The following PVT1 variants were observed in gnomAD, a reference collection of about 807,000 sequenced individuals.
The protein encoded by PVT1 is Pvt1 oncogene.
intron 5 of PVT1, among the ~76,000 whole-genome samples, chr8:128,072,262 A>T (rs1190257254): frequency 1.3e-5 from 2 of 152,172 alleles, no homozygotes; most frequent in African/African-American, 4.8e-5. Context: ...GACATAGTGT[A>T]ATTCTTCTAA....
intron 3 of PVT1, chr8:127,932,454 C>G: frequency 2.5e-6 from 1 of 398,648 alleles, no homozygotes; most frequent in East Asian, 3.6e-5. Flanking sequence ...TTCTTTCTAT[C>G]CTGTCTGCAG....
At chr8:128,081,474 T>C (rs1033430608) in intron 5 of PVT1, among the ~76,000 whole-genome samples, 4 of 152,258 alleles carry the variant, frequency 2.6e-5, no homozygotes, top group South Asian at 2.1e-4. Flanking sequence ...CATAGCTATA[T>C]GTTTTTTGCA....
At chr8:127,909,112 G>C (rs949636321) in intron 3 of PVT1, among the ~76,000 whole-genome samples, 1 of 152,196 alleles carries the variant, frequency 6.6e-6, no homozygotes, top group Non-Finnish European at 1.5e-5. Flanking sequence ...ATATTTGAAG[G>C]CCCTCAATAT....
chr8:127,804,713 C>T (rs1434740834), intron 2 of PVT1, among the ~76,000 whole-genome samples: 1 of 149,146 alleles, frequency 6.7e-6, no homozygotes, highest in Non-Finnish European at 1.5e-5. Flanking sequence ...TTCTTTCTTT[C>T]TTTTTCTTTT....
At chr8:128,054,293 C>A (rs1813738602) in intron 4 of PVT1, among the ~76,000 whole-genome samples, 1 of 145,408 alleles carries the variant, frequency 6.9e-6, no homozygotes, top group Non-Finnish European at 1.5e-5. Flanking sequence ...TTTGTAGTGG[C>A]AAAATGGGAT....
At chr8:128,025,317 C>A (rs1586486628) in intron 4 of PVT1, among the ~76,000 whole-genome samples, 3 of 152,174 alleles carry the variant, frequency 2.0e-5, no homozygotes, top group Admixed American at 2.0e-4. Context: ...CTGTTTCTTG[C>A]CCTCTTTGTA....
intron 3 of PVT1, among the ~76,000 whole-genome samples, chr8:127,982,682 A>C (rs1427172462): frequency 7.8e-6 from 1 of 128,354 alleles, no homozygotes; most frequent in African/African-American, 5.0e-5. Context: ...TAATTAATAA[A>C]ATAAATGAAT....
At chr8:127,991,136 CTTTCTTTT>C (rs72313010) in intron 4 of PVT1, among the ~76,000 whole-genome samples, 33,087 of 135,818 alleles carry the variant, frequency 0.24, 3,898 homozygotes, top group East Asian at 0.41. Flanking sequence ...TTTTTCTTTT[CTTTCTTTT>C]TTTTTTTTTT....
chr8:127,840,050 G>A (rs1305946807), intron 2 of PVT1, among the ~76,000 whole-genome samples: 1 of 152,214 alleles, frequency 6.6e-6, no homozygotes, highest in Non-Finnish European at 1.5e-5. Context: ...GGAGGGAGGG[G>A]AACTAGAGAA....
chr8:127,809,847 A>G (rs1421791931), intron 2 of PVT1, among the ~76,000 whole-genome samples: 1 of 152,218 alleles, frequency 6.6e-6, no homozygotes, highest in Non-Finnish European at 1.5e-5. Flanking sequence ...CATTGGGATC[A>G]CGTCAGCCAA....
intron 3 of PVT1, chr8:127,932,676 A>G: frequency 5.1e-6 from 2 of 394,166 alleles, no homozygotes; most frequent in South Asian, 2.8e-4. Context: ...TTCTTTGCTA[A>G]TAAAAAATAA....
At position 128,059,365 on chromosome 8, in the gene PVT1, TGGTCAAACTATGCCTCATG is replaced by T. The variant is rs374664177; in HGVS notation, n.913-10792_913-10774del. Among the ~76,000 whole-genome samples the T allele has an allele frequency of 1.3e-4, 20 of 152,128 alleles. 1 individual carries two copies. Among genetic ancestry groups the T allele is most frequent in the African/African-American group, 3.6e-4 (15 of 41,478 alleles). ...ACACTGTTTACGTGTCCACCAGGGGTGGTCAAACTATGCCTCATGGGCCAAATCTGTGCCCACCACTGTA... is the reference window on the plus strand; with the variant it reads ...ACACTGTTTACGTGTCCACCAGGGGTGGCCAAATCTGTGCCCACCACTGTA... On this transcript the variant is annotated intron_variant and non_coding_transcript_variant, in intron 4 of 10. Transcript: ENST00000651587.
chr8:127,816,770 C>T (rs536208860), intron 2 of PVT1, among the ~76,000 whole-genome samples: 3 of 152,262 alleles, frequency 2.0e-5, no homozygotes, highest in South Asian at 2.1e-4. Context: ...GTGATCCACC[C>T]GCCTCGGCCT....
chr8:127,894,323 A>C (rs1265886959), intron 3 of PVT1, among the ~76,000 whole-genome samples: 2 of 152,190 alleles, frequency 1.3e-5, no homozygotes, highest in Non-Finnish European at 2.9e-5. Flanking sequence ...GAACAGCCCA[A>C]GGTTGCTTAA....
intron 3 of PVT1, among the ~76,000 whole-genome samples, chr8:127,906,094 G>A (rs1335938966): frequency 6.6e-6 from 1 of 152,236 alleles, no homozygotes; most frequent in Admixed American, 6.5e-5. Flanking sequence ...GGAACTTGCA[G>A]ATGGTCACAT....
chr8:127,813,201 T>C (rs1326444596), intron 2 of PVT1, among the ~76,000 whole-genome samples: 1 of 145,496 alleles, frequency 6.9e-6, no homozygotes, highest in Non-Finnish European at 1.5e-5. Context: ...CAAATATATA[T>C]AATATACAAA....
At chr8:127,812,920 A>C (rs1814614810) in intron 2 of PVT1, among the ~76,000 whole-genome samples, 1 of 152,130 alleles carries the variant, frequency 6.6e-6, no homozygotes, top group Admixed American at 6.6e-5. Flanking sequence ...ATAGATTTTT[A>C]TAGTCTGCAA....
At chr8:128,097,813 G>A (rs538523656) in intron 6 of PVT1, among the ~76,000 whole-genome samples, 1 of 152,298 alleles carries the variant, frequency 6.6e-6, no homozygotes, top group South Asian at 2.1e-4. Context: ...CTTCAGCGTA[G>A]GGATGAGCTT....
rs139272241 is a variant in PVT1 at position 128,028,747 on chromosome 8, G to T, written n.912+39456G>T. On this transcript the variant is annotated intron_variant and non_coding_transcript_variant, in intron 4 of 10. Transcript: ENST00000651587. ...GAGTTGTGGGGAGCACTGTTAATAT[G>T]TGGGGGATCATCATTCTAGTAGCTG... Among the ~76,000 whole-genome samples, 480 of 152,318 alleles carry T rather than the reference G, an allele frequency of 3.2e-3. 4 individuals are homozygous for T. Among genetic ancestry groups the T allele is most frequent in the African/African-American group, 0.011 (467 of 41,584 alleles).
Sources: allele counts gnomAD v4.1 joint callset (sites outside exome capture counted in the v4.1 genomes callset), GRCh38; gene constraint gnomAD v4.1.1; transcripts MANE v1.5; gene names NCBI Gene and HGNC (gene_info 2026-07-23, HGNC 2026-07-21).